Variants in THSD4 observed in about 807,000 individuals in gnomAD.
THSD4 encodes thrombospondin type-1 domain-containing protein 4.
Under a neutral mutation model 119.0 loss-of-function variants are expected in THSD4, and 69 were observed. The ratio of observed to expected loss-of-function variants is 0.58; its 90% confidence interval spans 0.48 to 0.71. The LOEUF is 0.71. THSD4 is among the 30% of genes least tolerant of loss of function. The pLI, the probability that THSD4 is intolerant of heterozygous loss-of-function variation, is 0.00. For missense variants in THSD4, 1,393 were observed against 1,391.1 expected, an observed-to-expected ratio of 1.00 and a Z score of -0.02; for synonymous variants, 524 against 540.4, an observed-to-expected ratio of 0.97 and a Z score of 0.42.
intron 7 of THSD4, among the ~76,000 whole-genome samples, chr15:71,632,437 C>T (rs2050650670): frequency 2.0e-5 from 3 of 152,204 alleles, no homozygotes; most frequent in African/African-American, 7.2e-5. Flanking sequence ...GGATTGTTTG[C>T]AACCAACAGG....
At chr15:71,338,243 T>C (rs988694854) in intron 6 of THSD4, among the ~76,000 whole-genome samples, 2 of 152,080 alleles carry the variant, frequency 1.3e-5, no homozygotes, top group Non-Finnish European at 2.9e-5. Context: ...ATGGGAGGAT[T>C]CTCCAGGTGA....
At position 71,737,760 on chromosome 15, in the gene THSD4, A is replaced by G; in HGVS notation, c.1659A>G (p.Thr553=). 1 of 1,613,020 alleles carries G rather than the reference A, an allele frequency of 6.2e-7. No homozygotes were observed. The highest frequency in any genetic ancestry group is 8.5e-7 in the Non-Finnish European group (1 of 1,179,380). ...AACCCTTCAATGGCCAGATGGTGAC[A>G]GAAGGCAGGAGCCAGGAGGAGGGAG... ...PGEPFNGQMV[T]EGRSQEEGEQ... Residue 553 remains threonine, a synonymous_variant, in exon 11 of 18, where the codon ACA becomes ACG. Coordinates refer to ENST00000261862, the MANE Select transcript of THSD4 (RefSeq NM_024817.3).
At chr15:71,733,148 C>T (rs946176179) in intron 10 of THSD4, 6 of 152,200 alleles carry the variant, frequency 3.9e-5, no homozygotes, top group Non-Finnish European at 7.3e-5. Context: ...CCTGATGGGG[C>T]TCAGCTCATG....
intron 5 of THSD4, among the ~76,000 whole-genome samples, chr15:71,248,342 C>T (rs2044225109): frequency 6.6e-6 from 1 of 152,162 alleles, no homozygotes; most frequent in African/African-American, 2.4e-5. Context: ...AGGTGTCTCT[C>T]TTCCCACTTT....
At chr15:71,398,373 G>T (rs989464362) in intron 6 of THSD4, among the ~76,000 whole-genome samples, 14 of 152,066 alleles carry the variant, frequency 9.2e-5, no homozygotes, top group African/African-American at 3.4e-4. Flanking sequence ...ACCTGAAGAA[G>T]GAAGGTTTGG....
chr15:71,290,435 T>TC (rs1196665773), intron 6 of THSD4, among the ~76,000 whole-genome samples: 17 of 148,166 alleles, frequency 1.1e-4, no homozygotes, highest in Non-Finnish European at 2.1e-4. Flanking sequence ...ATTTTTTTTT[T>TC]CCCCTCTGTT....
chr15:71,409,900 G>GT (rs1010029207), intron 6 of THSD4, among the ~76,000 whole-genome samples: 108 of 136,670 alleles, frequency 7.9e-4, no homozygotes, highest in Admixed American at 1.6e-3. Flanking sequence ...TTTTTTTTTT[G>GT]TTTTTTTTAC....
intron 7 of THSD4, among the ~76,000 whole-genome samples, chr15:71,653,768 CTTAAAAAAG>C (rs751853700): frequency 1.7e-4 from 26 of 152,094 alleles, no homozygotes; most frequent in Non-Finnish European, 3.7e-4. Flanking sequence ...TTTTTTTCTA[CTTAAAAAAG>C]TTGAAGACTA....
chr15:71,388,937 C>G (rs2046331483), intron 6 of THSD4, among the ~76,000 whole-genome samples: 1 of 152,062 alleles, frequency 6.6e-6, no homozygotes, highest in African/African-American at 2.4e-5. Flanking sequence ...CCATACTGTT[C>G]TCATGGTAGT....
At chr15:71,673,668 C>T (rs975911857) in intron 8 of THSD4, among the ~76,000 whole-genome samples, 3 of 152,226 alleles carry the variant, frequency 2.0e-5, no homozygotes, top group Non-Finnish European at 2.9e-5. Context: ...TAAATGTGTC[C>T]CAGAGATTCT....
chr15:71,526,213 GACTTT>G (rs2048516395), intron 7 of THSD4, among the ~76,000 whole-genome samples: 1 of 152,094 alleles, frequency 6.6e-6, no homozygotes, highest in Non-Finnish European at 1.5e-5. Context: ...TCAGTTTATG[GACTTT>G]ACTTCCTGGT....
intron 1 of THSD4, among the ~76,000 whole-genome samples, chr15:71,133,459 T>A (rs922509065): frequency 3.3e-5 from 5 of 152,156 alleles, no homozygotes; most frequent in Non-Finnish European, 7.4e-5. Flanking sequence ...ACCAGAAATA[T>A]AACAAATAAG....
At chr15:71,359,806 A>C (rs376300459) in intron 6 of THSD4, among the ~76,000 whole-genome samples, 94 of 152,194 alleles carry the variant, frequency 6.2e-4, no homozygotes, top group African/African-American at 2.2e-3. Flanking sequence ...GGTTCACTCA[A>C]GCCTGGGTGA....
intron 6 of THSD4, among the ~76,000 whole-genome samples, chr15:71,390,563 G>A (rs563035612): frequency 6.6e-6 from 1 of 152,168 alleles, no homozygotes; most frequent in Non-Finnish European, 1.5e-5. Flanking sequence ...CTCCTTTGAC[G>A]TCTAGCCCTC....
intron 7 of THSD4, among the ~76,000 whole-genome samples, chr15:71,625,322 C>A (rs1208624551): frequency 2.6e-5 from 4 of 152,036 alleles, no homozygotes; most frequent in Admixed American, 6.6e-5. Flanking sequence ...CCAGTGAAGA[C>A]CTTTGATAAA....
In THSD4 at chr15:71,283,163, G is replaced by T. The variant is rs946041436; in HGVS notation, c.1015+26448G>T. On this transcript the variant is annotated intron_variant, in intron 6 of 17. Transcript: ENST00000261862. ...GTTTTGTATTTTTAGTAGAGACGGG[G>T]TTTCACTGTGTTAGCCGGGATGGTC... 2.0e-5 allele frequency among the ~76,000 whole-genome samples: 3 copies of T among 152,172 alleles called. No homozygotes were observed. In the East Asian group the frequency reaches 5.8e-4, roughly 29 times the overall value.
chr15:71,587,913 C>T (rs1175153508), intron 7 of THSD4, among the ~76,000 whole-genome samples: 2 of 151,768 alleles, frequency 1.3e-5, no homozygotes, highest in Non-Finnish European at 2.9e-5. Context: ...CACCCAGTGG[C>T]TTGGAAGCTG....
At chr15:71,249,427 T>TATATATAC (rs1555457888) in intron 5 of THSD4, among the ~76,000 whole-genome samples, 2 of 148,564 alleles carry the variant, frequency 1.3e-5, no homozygotes, top group Non-Finnish European at 3.0e-5. Flanking sequence ...TATATATATA[T>TATATATAC]ACACACACAT....
At chr15:71,737,592 A>C (rs1401872641) in intron 10 of THSD4, 140 bp from the exon 11 acceptor site, 1 of 1,229,830 alleles carries the variant, frequency 8.1e-7, no homozygotes, top group East Asian at 2.6e-5. Context: ...GTGTCTGCTT[A>C]TTTTAAACAG....
Sources: allele counts gnomAD v4.1 joint callset (sites outside exome capture counted in the v4.1 genomes callset), GRCh38; gene constraint gnomAD v4.1.1; transcripts MANE v1.5; gene names NCBI Gene and HGNC (gene_info 2026-07-23, HGNC 2026-07-21).